XKR4: variants seen among roughly 807,000 people sequenced by gnomAD.
The protein encoded by XKR4 is XK related 4.
A neutral mutation model predicts 53.9 loss-of-function variants in XKR4; 12 were observed. That is an observed-to-expected ratio of 0.22 (90% CI 0.14 to 0.36). The LOEUF is 0.36. Among genes scored for constraint, XKR4 ranks in the 10% least tolerant of loss-of-function variants. XKR4 has a pLI of 1.00. For synonymous variants in XKR4, 354 were observed against 362.4 expected, an observed-to-expected ratio of 0.98 and a Z score of 0.26; for missense variants, 799 against 859.5, an observed-to-expected ratio of 0.93 and a Z score of 0.88.
intron 1 of XKR4, among the ~76,000 whole-genome samples, chr8:55,290,875 A>T (rs186374760): frequency 6.6e-6 from 1 of 152,246 alleles, no homozygotes; most frequent in Non-Finnish European, 1.5e-5. Flanking sequence ...GCAGAGCAAA[A>T]GTTTTTAATT....
chr8:55,210,722 T>C (rs1297924367), intron 1 of XKR4, among the ~76,000 whole-genome samples: 1 of 151,988 alleles, frequency 6.6e-6, no homozygotes, highest in African/African-American at 2.4e-5. Flanking sequence ...ATGTAATAAG[T>C]GAAAGAAAGA....
At chr8:55,455,266 C>T (rs1389189774) in intron 2 of XKR4, 8 of 166,310 alleles carry the variant, frequency 4.8e-5, no homozygotes, top group African/African-American at 1.9e-4. Context: ...GCAGCGGCTG[C>T]GGCTGCGGCG....
chr8:55,430,140 C>A (rs1167871703), intron 2 of XKR4, among the ~76,000 whole-genome samples: 1 of 152,136 alleles, frequency 6.6e-6, no homozygotes, highest in African/African-American at 2.4e-5. Context: ...GAGATAACAT[C>A]AAATGCTGGT....
chr8:55,181,492 T>C (rs191492584), intron 1 of XKR4, among the ~76,000 whole-genome samples: 2 of 152,310 alleles, frequency 1.3e-5, no homozygotes, highest in East Asian at 3.9e-4. Flanking sequence ...TTTATTGAAA[T>C]ATCTTAGCCA....
At chr8:55,381,908 G>A (rs1269808544) in intron 2 of XKR4, among the ~76,000 whole-genome samples, 2 of 152,186 alleles carry the variant, frequency 1.3e-5, no homozygotes, top group Non-Finnish European at 2.9e-5. Context: ...GAGGGTGCGG[G>A]GGCACTGAGA....
rs376572796 is a variant in XKR4 at position 55,479,351 on chromosome 8, C to T, written c.1007-43930C>T. On this transcript the variant is annotated intron_variant, in intron 2 of 2. Coordinates refer to ENST00000327381, the MANE Select transcript of XKR4 (RefSeq NM_052898.2). ...AAATAAAGATGTTCTTTGAAACCAA[C>T]GAGAACAAAGACACAACATACCAGA... Among the ~76,000 whole-genome samples the T allele has an allele frequency of 5.3e-4, 81 of 151,978 alleles. No homozygotes were observed. The East Asian group carries it at 9.7e-3, about 18-fold the overall frequency.
intron 1 of XKR4, among the ~76,000 whole-genome samples, chr8:55,257,858 A>G (rs908205813): frequency 9.2e-5 from 14 of 152,172 alleles, no homozygotes; most frequent in African/African-American, 7.2e-5. Context: ...ATCTCAGGTC[A>G]TATTTGTTTT....
intron 2 of XKR4, among the ~76,000 whole-genome samples, chr8:55,501,062 C>A (rs1247238066): frequency 6.6e-6 from 1 of 152,152 alleles, no homozygotes; most frequent in Admixed American, 6.5e-5. Context: ...GTAGAACAGA[C>A]AGGTGTAATA....
intron 2 of XKR4, chr8:55,453,974 G>A: frequency 2.7e-6 from 2 of 744,788 alleles, no homozygotes; most frequent in East Asian, 3.1e-5. Flanking sequence ...GCCCAGGAAG[G>A]CTGCCTTATG....
At position 55,530,267 on chromosome 8, in the gene XKR4, C is replaced by A. The variant is rs910470221; in HGVS notation, c.*6040C>A. 1.3e-5 allele frequency: 2 copies of A among 151,958 alleles called. No individual in the cohort carries two copies. The highest frequency in any genetic ancestry group is 3.9e-4 in the East Asian group (2 of 5,178). The allele number at this position is 151,958 out of a possible 1,614,324, so 9.4% of individuals were successfully genotyped here. ...ATTATAAGGTAATTCTGTTTCACTG[C>A]CATAATTTTTCCCTAAATTTTATTT... On this transcript the variant is annotated 3_prime_UTR_variant, in exon 3 of 3. Transcript: ENST00000327381.
chr8:55,280,812 T>C (rs72651888), intron 1 of XKR4, among the ~76,000 whole-genome samples: 20,343 of 152,178 alleles, frequency 0.13, 1,572 homozygotes, highest in Non-Finnish European at 0.18. Context: ...AAAACAAGAC[T>C]AAATGCCCAT....
At chr8:55,470,100 A>G (rs775656447) in intron 2 of XKR4, among the ~76,000 whole-genome samples, 3 of 152,162 alleles carry the variant, frequency 2.0e-5, no homozygotes, top group Non-Finnish European at 2.9e-5. Flanking sequence ...TTTCATAGAT[A>G]AAGTAACCCT....
At chr8:55,301,869 G>A (rs576388976) in intron 1 of XKR4, among the ~76,000 whole-genome samples, 112 of 152,142 alleles carry the variant, frequency 7.4e-4, no homozygotes, top group African/African-American at 2.5e-3. Flanking sequence ...TAAATTGTTT[G>A]AGTTCATCGT....
chr8:55,176,461 G>A (rs533999467), intron 1 of XKR4, among the ~76,000 whole-genome samples: 25 of 151,618 alleles, frequency 1.6e-4, no homozygotes, highest in Admixed American at 1.4e-3. Context: ...GTGTGTGTGC[G>A]TGTGTGTGTG....
At chr8:55,330,431 G>A (rs1301440971) in intron 1 of XKR4, among the ~76,000 whole-genome samples, 1 of 151,980 alleles carries the variant, frequency 6.6e-6, no homozygotes, top group Non-Finnish European at 1.5e-5. Context: ...TCTGACACAT[G>A]GTAAGCAATC....
chr8:55,136,461 C>G (rs10111850), intron 1 of XKR4, among the ~76,000 whole-genome samples: 77,465 of 152,008 alleles, frequency 0.51, 21,248 homozygotes, highest in South Asian at 0.7. Flanking sequence ...CACCAGCAAA[C>G]TGTTATGCAC....
rs60246172 is a variant in XKR4, at chr8:55,475,385, T to TTTGTTG, written c.1007-47869_1007-47864dup. Among the ~76,000 whole-genome samples the TTTGTTG allele has an allele frequency of 1.0e-3, 152 of 149,598 alleles. 1 individual carries two copies. Among genetic ancestry groups the TTTGTTG allele is most frequent in the African/African-American group, 1.5e-3 (59 of 40,410 alleles). ...CGATTCATAAATGTTTTTTGCTTAT[T>TTTGTTG]TTGTTGTTGTTGTTGTTGTTGTTGT... On this transcript the variant is annotated intron_variant, in intron 2 of 2. Transcript: ENST00000327381.
At chr8:55,267,091 G>T (rs1818614966) in intron 1 of XKR4, among the ~76,000 whole-genome samples, 1 of 152,190 alleles carries the variant, frequency 6.6e-6, no homozygotes, top group South Asian at 2.1e-4. Context: ...GGAAGTTTTA[G>T]TATAACCAGA....
chr8:55,421,028 A>T (rs1042927431), intron 2 of XKR4, among the ~76,000 whole-genome samples: 2 of 152,230 alleles, frequency 1.3e-5, no homozygotes, highest in African/African-American at 2.4e-5. Flanking sequence ...TCACTTTATA[A>T]CATGCTTCCC....
Sources: allele counts gnomAD v4.1 joint callset (sites outside exome capture counted in the v4.1 genomes callset), GRCh38; gene constraint gnomAD v4.1.1; transcripts MANE v1.5; gene names NCBI Gene and HGNC (gene_info 2026-07-23, HGNC 2026-07-21).